HECW1: variants seen among roughly 807,000 people sequenced by gnomAD.
The protein encoded by HECW1 is E3 ubiquitin-protein ligase HECW1.
HECW1 carries 61 observed loss-of-function variants against 182.3 expected under a neutral mutation model. The observed-to-expected ratio is 0.33, with a 90% confidence interval of 0.27 to 0.41. The LOEUF (loss-of-function observed/expected upper bound fraction) is 0.41. Among genes scored for constraint, HECW1 ranks in the 10% least tolerant of loss-of-function variants. The pLI is 1.00. For synonymous variants in HECW1, 859 were observed against 832.6 expected (o/e 1.03, Z -0.55); for missense variants, 1,739 against 2,108.9 (o/e 0.82, Z 3.44).
Position 43,469,071 on chromosome 7 carries a change from G to C in HECW1, c.3065G>C (p.Arg1022Pro), listed in dbSNP as rs562449289. 1.9e-6 allele frequency: 3 copies of C among 1,613,978 alleles called. No homozygotes were observed. Among genetic ancestry groups the C allele is most frequent in the African/African-American group, 1.3e-5 (1 of 74,916 alleles). Residue 1022 changes from arginine to proline, a missense_variant, in exon 16 of 30, where the codon CGG becomes CCG. Arg to Pro is a moderately radical substitution (Grantham distance 103). Around this residue, in one of 5 missense-constraint regions of HECW1, gnomAD observed 971 missense variants for 1,029.1 expected, o/e 0.94. Transcript: ENST00000395891. ...MFADTRLELP[R>P]GWEIKTDQQG... Reference sequence around the variant, plus strand: ...GCAGACACTCGGCTGGAACTGCCCCGGGGCTGGGAGATCAAAACGGACCAG... The same window carrying C: ...GCAGACACTCGGCTGGAACTGCCCCCGGGCTGGGAGATCAAAACGGACCAG...
At chr7:43,169,131 C>G (rs1791422830) in intron 2 of HECW1, among the ~76,000 whole-genome samples, 1 of 152,098 alleles carries the variant, frequency 6.6e-6, no homozygotes, top group Non-Finnish European at 1.5e-5. Flanking sequence ...TGGGTAATTA[C>G]AAGGGATCAT....
At chr7:43,190,257 G>A (rs1000270981) in intron 2 of HECW1, among the ~76,000 whole-genome samples, 2 of 152,144 alleles carry the variant, frequency 1.3e-5, no homozygotes, top group East Asian at 1.9e-4. Flanking sequence ...AGGATTACAG[G>A]CGTGTACCAC....
At chr7:43,293,256 G>GA (rs961376654) in intron 3 of HECW1, among the ~76,000 whole-genome samples, 19 of 145,262 alleles carry the variant, frequency 1.3e-4, no homozygotes, top group African/African-American at 5.0e-4. Context: ...AGAAAAAAAA[G>GA]AAAATGAAAG....
At chr7:43,348,920 A>C (rs1397260794) in intron 5 of HECW1, among the ~76,000 whole-genome samples, 1 of 152,114 alleles carries the variant, frequency 6.6e-6, no homozygotes, top group Non-Finnish European at 1.5e-5. Flanking sequence ...GGCTCATTTT[A>C]TGGCCTATCA....
intron 2 of HECW1, among the ~76,000 whole-genome samples, chr7:43,211,530 C>T (rs1377994309): frequency 6.6e-6 from 1 of 152,086 alleles, no homozygotes; most frequent in Non-Finnish European, 1.5e-5. Flanking sequence ...GGGCATGATT[C>T]CCAGGGGTGA....
chr7:43,407,820 GCCCT>G, intron 8 of HECW1, 89 bp downstream of exon 8: 4 of 1,177,500 alleles, frequency 3.4e-6, no homozygotes, highest in Non-Finnish European at 4.8e-6. Context: ...CATTCATGGA[GCCCT>G]GGACTCTGCT....
chr7:43,211,286 C>A (rs999415591), intron 2 of HECW1, among the ~76,000 whole-genome samples: 3 of 152,150 alleles, frequency 2.0e-5, no homozygotes, highest in Non-Finnish European at 2.9e-5. Flanking sequence ...CAACCTTTAC[C>A]ATTTTATGTA....
At chr7:43,339,391 C>A (rs1812681509) in intron 5 of HECW1, among the ~76,000 whole-genome samples, 1 of 152,190 alleles carries the variant, frequency 6.6e-6, no homozygotes, top group Admixed American at 6.5e-5. Context: ...TGATCTCCTG[C>A]TAAACACATG....
chr7:43,554,866 AC>A, intron 29 of HECW1, 76 bp downstream of exon 29: 1 of 1,351,246 alleles, frequency 7.4e-7, no homozygotes, highest in Non-Finnish European at 1.0e-6. Context: ...ATTTTGAGTG[AC>A]CATCCTTTGG....
chr7:43,552,921 C>T (rs1015505410), intron 28 of HECW1, among the ~76,000 whole-genome samples: 2 of 152,246 alleles, frequency 1.3e-5, no homozygotes, highest in African/African-American at 2.4e-5. Flanking sequence ...TCATATTGGT[C>T]GAGTCTCTGG....
rs369959223 is a variant in HECW1 at position 43,361,005 on chromosome 7, G to C, written c.555+25G>C. 3,776 of 1,523,938 alleles carry C rather than the reference G, an allele frequency of 2.5e-3. 9 individuals are homozygous for C. The highest frequency in any genetic ancestry group is 3.1e-3 in the Non-Finnish European group (3,444 of 1,106,404). 94.4% of individuals were successfully genotyped at this position (1,523,938 alleles called of 1,614,324 possible). On this transcript the variant is annotated intron_variant, in intron 6 of 29. Coordinates refer to ENST00000395891, the MANE Select transcript of HECW1 (RefSeq NM_015052.5). ...TGTAAGTCTCATTTCTCCGTCTTTG[G>C]TTAGACCTAACTCTGGTCTTTCTTC...
At chr7:43,207,075 C>T (rs1795544036) in intron 2 of HECW1, among the ~76,000 whole-genome samples, 1 of 152,174 alleles carries the variant, frequency 6.6e-6, no homozygotes, top group Non-Finnish European at 1.5e-5. Context: ...GAGGCAGAGT[C>T]TTGCTCTGTC....
At chr7:43,221,696 G>A (rs1796987291) in intron 2 of HECW1, among the ~76,000 whole-genome samples, 1 of 151,308 alleles carries the variant, frequency 6.6e-6, no homozygotes, top group African/African-American at 2.4e-5. Context: ...TGGGACTACA[G>A]GTGCCCACCA....
chr7:43,391,263 T>C (rs2075019063), intron 6 of HECW1, among the ~76,000 whole-genome samples: 1 of 152,206 alleles, frequency 6.6e-6, no homozygotes, highest in African/African-American at 2.4e-5. Context: ...AACTTTGTAA[T>C]TTTGAGTTGG....
rs957150949 is a variant in HECW1, at chr7:43,432,288, C to T, written c.802-5715C>T. Among the ~76,000 whole-genome samples the T allele has an allele frequency of 4.3e-4, 65 of 151,654 alleles. No individual in the cohort carries two copies. Among genetic ancestry groups the T allele is most frequent in the African/African-American group, 1.5e-3 (64 of 41,350 alleles). Reference sequence around the variant, plus strand: ...CCAAGTAGCTGGGACTACAGGCGCCCGCCACTACACCCGGCTAATTTTTTG... The same window carrying T: ...CCAAGTAGCTGGGACTACAGGCGCCTGCCACTACACCCGGCTAATTTTTTG... On this transcript the variant is annotated intron_variant, in intron 8 of 29. Transcript: ENST00000395891. This position sits in a 1 kb window ranked among gnomAD's most constrained non-coding sequence, Gnocchi z 4.1.
intron 2 of HECW1, among the ~76,000 whole-genome samples, chr7:43,228,509 G>A (rs777280091): frequency 7.2e-5 from 11 of 152,176 alleles, no homozygotes; most frequent in Non-Finnish European, 5.9e-5. Context: ...AAAGAACTAT[G>A]GGAACACTCA....
intron 8 of HECW1, among the ~76,000 whole-genome samples, chr7:43,436,637 G>A (rs754250811): frequency 6.6e-6 from 1 of 152,164 alleles, no homozygotes; most frequent in East Asian, 1.9e-4. Flanking sequence ...CATCAGTTAA[G>A]GCAGGAACAG....
At chr7:43,137,939 T>A (rs1212906892) in intron 2 of HECW1, among the ~76,000 whole-genome samples, 1 of 124,172 alleles carries the variant, frequency 8.1e-6, no homozygotes, top group African/African-American at 4.3e-5. Context: ...TGACCAACAC[T>A]TTTTTTTTTT....
intron 19 of HECW1, among the ~76,000 whole-genome samples, chr7:43,495,333 G>T (rs1278590139): frequency 1.3e-5 from 2 of 151,968 alleles, no homozygotes; most frequent in African/African-American, 4.8e-5. Flanking sequence ...TCGTTGTTCA[G>T]TTCCCACTTA....
Sources: allele counts gnomAD v4.1 joint callset (sites outside exome capture counted in the v4.1 genomes callset), GRCh38; gene constraint gnomAD v4.1.1; regional missense constraint gnomAD v4.1.1; non-coding constraint Gnocchi (gnomAD v3.1); transcripts MANE v1.5; gene names NCBI Gene and HGNC (gene_info 2026-07-23, HGNC 2026-07-21).